DPP6: variants seen among roughly 807,000 people sequenced by gnomAD.
DPP6 encodes the protein dipeptidyl peptidase like 6.
Under a neutral mutation model 122.6 loss-of-function variants are expected in DPP6, and 69 were observed. That is an observed-to-expected ratio of 0.56 (90% CI 0.46 to 0.69). The LOEUF is 0.69. DPP6 is among the 30% of genes least tolerant of loss of function. The pLI is 0.00. For synonymous variants in DPP6, 418 were observed against 433.1 expected (o/e 0.97, Z 0.43); for missense variants, 928 against 1,116.9 (o/e 0.83, Z 2.41).
chr7:153,757,463 G>A, the DPP6 span, among the ~76,000 whole-genome samples: 5 of 152,178 alleles, frequency 3.3e-5, no homozygotes, highest in African/African-American at 9.7e-5. Flanking sequence ...ATCCAGTGGC[G>A]GATGGTTTAC....
chr7:154,147,877 C>G (rs1237311440), intron 1 of DPP6, among the ~76,000 whole-genome samples: 2,076 of 148,102 alleles, frequency 0.014, no homozygotes, highest in African/African-American at 0.052. Context: ...TTTTACAGCA[C>G]ATGAAATAGT....
At chr7:154,883,630 A>T (rs1563322739) in intron 21 of DPP6, 1 of 146,714 alleles carries the variant, frequency 6.8e-6, no homozygotes. Flanking sequence ...GCTCACACAC[A>T]CACATGCTCA....
chr7:154,822,091 G>T (rs1399069167), intron 16 of DPP6, among the ~76,000 whole-genome samples: 2 of 151,556 alleles, frequency 1.3e-5, no homozygotes, highest in Admixed American at 6.6e-5. Context: ...TCCTTCCCTG[G>T]GGCTCTGAGG....
At chr7:154,393,554 AT>A (rs552425581) in intron 1 of DPP6, among the ~76,000 whole-genome samples, 5,552 of 141,328 alleles carry the variant, frequency 0.039, 301 homozygotes, top group African/African-American at 0.13. Context: ...AGATTGTTCA[AT>A]TTTTTTTTTT....
intron 5 of DPP6, among the ~76,000 whole-genome samples, chr7:154,583,033 T>C (rs954701342): frequency 2.0e-5 from 3 of 152,198 alleles, no homozygotes; most frequent in African/African-American, 7.2e-5. Flanking sequence ...ACACCTGCTC[T>C]TGATGGGGGC....
intron 8 of DPP6, among the ~76,000 whole-genome samples, chr7:154,739,054 G>A (rs529428974): frequency 2.0e-5 from 3 of 152,310 alleles, no homozygotes; most frequent in South Asian, 2.1e-4. Context: ...CTTAGGCATC[G>A]CAGCCACACT....
chr7:154,590,967 G>A (rs1832779157), intron 5 of DPP6, among the ~76,000 whole-genome samples: 2 of 152,234 alleles, frequency 1.3e-5, no homozygotes, highest in African/African-American at 2.4e-5. Context: ...ACAGTGATGG[G>A]CGTGGTGAAC....
the DPP6 span, among the ~76,000 whole-genome samples, chr7:153,853,963 GT>G: frequency 1.3e-5 from 2 of 148,978 alleles, no homozygotes; most frequent in African/African-American, 5.0e-5. Flanking sequence ...TTCTTCTAGG[GT>G]TTTTATGGTT....
rs143900212 is a variant in DPP6, at chr7:154,692,550, C to T, written c.762+23109C>T. On this transcript the variant is annotated intron_variant, in intron 7 of 25. Transcript: ENST00000377770. ...TATTCTTCAGAGTTTGTAGGGAAAT[C>T]GTTTGATTAATGTTGGGGTCAAGAA... 2.6e-5 allele frequency among the ~76,000 whole-genome samples: 4 copies of T among 152,142 alleles called. No individual in the cohort carries two copies. In the East Asian group the frequency reaches 7.8e-4, roughly 29 times the overall value.
chr7:153,937,437 CTTTTTTTTT>C (rs201001951), intron 1 of DPP6, among the ~76,000 whole-genome samples: 2 of 115,474 alleles, frequency 1.7e-5, no homozygotes, highest in African/African-American at 7.7e-5. Context: ...TCAGAGCTAA[CTTTTTTTTT>C]TTTTTTTTTT....
chr7:153,956,323 G>A (rs1585086852), intron 1 of DPP6, among the ~76,000 whole-genome samples: 1 of 152,116 alleles, frequency 6.6e-6, no homozygotes, highest in East Asian at 1.9e-4. Context: ...GCAGGACATG[G>A]AGGATGGACA....
Position 154,540,529 on chromosome 7 carries a change from C to T in DPP6, c.458-3C>T, listed in dbSNP as rs762360991. The T allele has an allele frequency of 1.9e-6, 3 of 1,586,056 alleles. No individual in the cohort carries two copies. In the South Asian group the frequency reaches 3.4e-5, roughly 18 times the overall value. On this transcript the variant is annotated splice_region_variant and splice_polypyrimidine_tract_variant and intron_variant, in intron 3 of 25. Transcript: ENST00000377770. ...TGGTTTTTTTCTACTTCCTCTCTTA[C>T]AGATACAGAATTCATCTACAGAGAA...
At chr7:154,545,585 G>A (rs1302170634) in intron 4 of DPP6, among the ~76,000 whole-genome samples, 1 of 151,042 alleles carries the variant, frequency 6.6e-6, no homozygotes, top group Non-Finnish European at 1.5e-5. Flanking sequence ...GATTTCTTGG[G>A]GACTTAATTC....
intron 21 of DPP6, chr7:154,884,231 A>T (rs1403991536): frequency 2.8e-5 from 4 of 145,382 alleles, no homozygotes; most frequent in African/African-American, 7.8e-5. Flanking sequence ...ACCTGCTCAC[A>T]CACACACATG....
In DPP6 at chr7:154,219,457, A is replaced by G. The variant is rs139707841; in HGVS notation, c.243+166394A>G. On this transcript the variant is annotated intron_variant, in intron 1 of 25. Coordinates refer to ENST00000377770, the MANE Select transcript of DPP6 (RefSeq NM_130797.4). ...CATTTTCACACACATGCTCATGAAC[A>G]TCTGGCATTGTTGAAGAAGGAAGAC... is the stretch of plus-strand genomic sequence containing the variant. Among the ~76,000 whole-genome samples, 807 of 152,340 alleles carry G rather than the reference A, an allele frequency of 5.3e-3. 4 individuals are homozygous for G. Among genetic ancestry groups the G allele is most frequent in the African/African-American group, 0.018 (754 of 41,580 alleles).
chr7:154,705,945 G>A (rs914901868), intron 7 of DPP6, among the ~76,000 whole-genome samples: 14 of 152,310 alleles, frequency 9.2e-5, no homozygotes, highest in African/African-American at 3.1e-4. Context: ...GGGTTGGAAG[G>A]CCTGTGAAGG....
At chr7:154,043,243 A>G (rs1799852515) in intron 1 of DPP6, among the ~76,000 whole-genome samples, 1 of 151,890 alleles carries the variant, frequency 6.6e-6, no homozygotes, top group South Asian at 2.1e-4. Context: ...AAAATACAAA[A>G]TTAGCCAGCT....
At chr7:154,176,844 T>C (rs1208402645) in intron 1 of DPP6, among the ~76,000 whole-genome samples, 1 of 152,152 alleles carries the variant, frequency 6.6e-6, no homozygotes, top group Non-Finnish European at 1.5e-5. Flanking sequence ...TTTTTCTTTT[T>C]CTTTTTTTAT....
chr7:154,811,852 T>G (rs1022692475), intron 16 of DPP6, among the ~76,000 whole-genome samples: 4 of 152,154 alleles, frequency 2.6e-5, no homozygotes, highest in African/African-American at 9.7e-5. Flanking sequence ...CTCCTAGCAT[T>G]AGAGACTCTT....
Sources: gnomAD v4.1 joint callset for allele counts (sites outside exome capture counted in the v4.1 genomes callset) on GRCh38, gnomAD v4.1.1 for gene constraint, MANE v1.5 for transcripts, NCBI Gene and HGNC (gene_info 2026-07-23, HGNC 2026-07-21) for gene names.